Variants in HMCN1 observed in about 807,000 individuals in gnomAD.
HMCN1 encodes the protein hemicentin 1.
In HMCN1, 321 loss-of-function variants were observed where a neutral mutation model predicts 625.9. That is an observed-to-expected ratio of 0.51 (90% CI 0.47 to 0.56). The LOEUF (loss-of-function observed/expected upper bound fraction) is 0.56. Ranked by LOEUF, HMCN1 falls within the 20% of genes least tolerant of loss-of-function variation. HMCN1 has a pLI of 0.00. For synonymous variants in HMCN1, 2,425 were observed against 2,417.6 expected, an observed-to-expected ratio of 1.00 and a Z score of -0.09; for missense variants, 6,588 against 6,887.3, an observed-to-expected ratio of 0.96 and a Z score of 1.54.
At chr1:186,142,551 TTG>T (rs1650039116) in intron 89 of HMCN1, among the ~76,000 whole-genome samples, 1 of 152,204 alleles carries the variant, frequency 6.6e-6, no homozygotes, top group African/African-American at 2.4e-5. Flanking sequence ...CAAATGGTAG[TTG>T]TGTTTTTAGT....
chr1:185,789,158 T>C (rs1385605917), intron 1 of HMCN1, among the ~76,000 whole-genome samples: 1 of 152,184 alleles, frequency 6.6e-6, no homozygotes, highest in East Asian at 1.9e-4. Flanking sequence ...AATGGTACCT[T>C]ATTGAGTATT....
intron 98 of HMCN1, 120 bp from the exon 99 acceptor site, chr1:186,166,064 T>C (rs1651858100): frequency 2.8e-6 from 3 of 1,055,236 alleles, no homozygotes; most frequent in Non-Finnish European, 4.2e-6. Flanking sequence ...TTAAAGCATT[T>C]TCTATTATAT....
At chr1:185,913,518 T>G (rs1277678529) in intron 6 of HMCN1, among the ~76,000 whole-genome samples, 1 of 152,174 alleles carries the variant, frequency 6.6e-6, no homozygotes, top group Non-Finnish European at 1.5e-5. Context: ...GCCAGCGGTG[T>G]CTTGAGCTAG....
chr1:185,791,585 G>A (rs965413298), intron 1 of HMCN1, among the ~76,000 whole-genome samples: 7 of 152,118 alleles, frequency 4.6e-5, no homozygotes, highest in East Asian at 1.9e-4. Context: ...AGCTGGGCAC[G>A]GTGGCAGGCT....
At chr1:186,142,362 G>A (rs918450004) in intron 89 of HMCN1, among the ~76,000 whole-genome samples, 2 of 152,170 alleles carry the variant, frequency 1.3e-5, no homozygotes, top group African/African-American at 4.8e-5. Flanking sequence ...TGGCTGCATA[G>A]TATTCCATGG....
At position 186,136,806 on chromosome 1, in the gene HMCN1, AC is replaced by A; in HGVS notation, c.13453del (p.Arg4485GlyfsTer30). 1 of 1,614,044 alleles carries A rather than the reference AC, an allele frequency of 6.2e-7. No individual in the cohort carries two copies. The highest frequency in any genetic ancestry group is 8.5e-7 in the Non-Finnish European group (1 of 1,179,968). ...SRQGHSISWDDRVNVLSNNSL... is the reference protein window; with the variant it reads ...SRQGHSISWDXRVNVLSNNSL... The stretch of plus-strand genomic sequence containing the variant: ...CAAGGGCACTCTATTTCCTGGGATG[AC>A]CGGGTTAACGTGTTGTCCAACAACT... On this transcript the variant is annotated frameshift_variant, in exon 87 of 107. Coordinates refer to ENST00000271588, the MANE Select transcript of HMCN1 (RefSeq NM_031935.3). LOFTEE classifies it high-confidence loss of function.
Position 186,178,453 on chromosome 1 carries a change from A to ACAT in HMCN1, c.15984_15986dup (p.His5328dup). The ACAT allele has an allele frequency of 6.2e-7, 1 of 1,614,048 alleles. No individual in the cohort carries two copies. The highest frequency in any genetic ancestry group is 1.1e-5 in the South Asian group (1 of 91,074). On this transcript the variant is annotated inframe_insertion, in exon 104 of 107. Coordinates refer to ENST00000271588, the MANE Select transcript of HMCN1 (RefSeq NM_031935.3). ...GTGAACAAGTGCCTAAACCTTGTGC[A>ACAT]CATCAGTGCTCCAACACCCCCGGCA...
chr1:186,115,538 T>A (rs369908294), intron 75 of HMCN1, 124 bp downstream of exon 75: 65 of 871,830 alleles, frequency 7.5e-5, no homozygotes, highest in African/African-American at 1.7e-4. Context: ...ATATAGAGGG[T>A]TTTTTTCCTT....
At chr1:186,087,808 C>A in intron 60 of HMCN1, 124 bp from the exon 61 acceptor site, 1 of 1,144,458 alleles carries the variant, frequency 8.7e-7, no homozygotes, top group Non-Finnish European at 1.3e-6. Context: ...AGCAAGATTG[C>A]AGAAGGCAAT....
At chr1:186,180,648 T>C (rs1029824906) in intron 104 of HMCN1, among the ~76,000 whole-genome samples, 5 of 152,302 alleles carry the variant, frequency 3.3e-5, no homozygotes, top group African/African-American at 1.2e-4. Flanking sequence ...TGTTATGTTA[T>C]CACAATCGTC....
rs748467678 is a variant in HMCN1 at position 186,125,804 on chromosome 1, A to T, written c.12690+10A>T. 1.0e-5 allele frequency: 16 copies of T among 1,606,610 alleles called. No individual in the cohort carries two copies. The highest frequency in any genetic ancestry group is 1.3e-5 in the Non-Finnish European group (15 of 1,173,526). On this transcript the variant is annotated intron_variant, in intron 82 of 106. Coordinates refer to ENST00000271588, the MANE Select transcript of HMCN1 (RefSeq NM_031935.3). ...TTTAGAAAATGTTGTGGTAAGTTTAATGGACGTGAACAGATACATTAAGCC... is the reference window on the plus strand; with the variant it reads ...TTTAGAAAATGTTGTGGTAAGTTTATTGGACGTGAACAGATACATTAAGCC...
chr1:185,914,264 G>A (rs1666581563), intron 6 of HMCN1, among the ~76,000 whole-genome samples: 1 of 152,112 alleles, frequency 6.6e-6, no homozygotes, highest in Non-Finnish European at 1.5e-5. Context: ...CCTTTTGGAT[G>A]TCTAATGAAT....
At chr1:185,891,318 GTTAA>G (rs1665065490) in intron 4 of HMCN1, among the ~76,000 whole-genome samples, 1 of 143,504 alleles carries the variant, frequency 7.0e-6, no homozygotes, top group African/African-American at 2.9e-5. Context: ...TACATTTAAA[GTTAA>G]TATTGTTATG....
chr1:185,965,201 T>C (rs1650317583), intron 13 of HMCN1, among the ~76,000 whole-genome samples: 1 of 152,096 alleles, frequency 6.6e-6, no homozygotes, highest in Admixed American at 6.6e-5. Context: ...ATTTAGAGAA[T>C]GTCTATATTT....
chr1:186,093,411 TGTA>T (rs1471063355), intron 65 of HMCN1, 72 bp from the exon 66 acceptor site: 4 of 1,586,052 alleles, frequency 2.5e-6, no homozygotes, highest in Non-Finnish European at 3.5e-6. Flanking sequence ...TGAGAGCAAT[TGTA>T]GTAGAAATTA....
intron 11 of HMCN1, among the ~76,000 whole-genome samples, chr1:185,939,321 A>G (rs1309994256): frequency 5.3e-5 from 8 of 152,242 alleles, no homozygotes; most frequent in Non-Finnish European, 1.0e-4. Context: ...TAATGGTACA[A>G]TTAGACACAG....
Position 185,734,796 on chromosome 1 carries a change from T to C in HMCN1, c.17T>C (p.Val6Ala). Residue 6 changes from valine (V) to alanine (A), a missense_variant, in exon 1 of 107, where the codon GTT becomes GCT. By Grantham distance (64) the Val-to-Ala change is moderately conservative (BLOSUM62 0). Transcript: ENST00000271588. ...AAAAAGAAAATGATTTCCTGGGAAG[T>C]TGTCCATACAGTATTCCTGTTTGCT... Reference protein sequence around the residue: MISWEVVHTVFLFALL... With the variant: MISWEAVHTVFLFALL... 1 of 1,614,156 alleles carries C rather than the reference T, an allele frequency of 6.2e-7. No individual in the cohort carries two copies. Among genetic ancestry groups the C allele is most frequent in the Non-Finnish European group, 8.5e-7 (1 of 1,180,008 alleles).
chr1:185,966,045 G>T, intron 14 of HMCN1, 130 bp downstream of exon 14: 1 of 693,212 alleles, frequency 1.4e-6, no homozygotes. Flanking sequence ...GATCTCACTG[G>T]AGACAATAGT....
Position 186,106,878 on chromosome 1 carries a change from T to A in HMCN1, c.10771-6T>A. On this transcript the variant is annotated splice_polypyrimidine_tract_variant and splice_region_variant and intron_variant, in intron 69 of 106. Transcript: ENST00000271588. ...CATTATGTAATTCATTATTTGGGTT[T>A]TGTAGGTGGAGGATACAGGAAGATA... is the stretch of plus-strand genomic sequence containing the variant. 6.3e-7 allele frequency: 1 copy of A among 1,592,428 alleles called. No individual in the cohort carries two copies. The highest frequency in any genetic ancestry group is 8.6e-7 in the Non-Finnish European group (1 of 1,160,174).
Sources: allele counts gnomAD v4.1 joint callset (sites outside exome capture counted in the v4.1 genomes callset), GRCh38; gene constraint gnomAD v4.1.1; transcripts MANE v1.5; gene names NCBI Gene and HGNC (gene_info 2026-07-23, HGNC 2026-07-21).